CCDC141: variants seen among roughly 807,000 people sequenced by gnomAD.
The protein encoded by CCDC141 is coiled-coil domain-containing protein 141.
CCDC141 carries 168 observed loss-of-function variants against 181.0 expected under a neutral mutation model. The ratio of observed to expected loss-of-function variants is 0.93; its 90% CI spans 0.82 to 1.05. CCDC141 has a LOEUF of 1.05. Ranked by LOEUF, CCDC141 falls within the 50% of genes least tolerant of loss-of-function variation. The pLI, the probability that CCDC141 is intolerant of heterozygous loss-of-function variation, is 0.00. For synonymous variants in CCDC141, 666 were observed against 642.3 expected (o/e 1.04, Z -0.56); for missense variants, 1,902 against 1,788.5 (o/e 1.06, Z -1.14).
At chr2:178,827,271 G>T (rs1011808076), downstream of CCDC141, among the ~76,000 whole-genome samples, 1 of 152,026 alleles carries the variant, frequency 6.6e-6, no homozygotes, top group African/African-American at 2.4e-5. Context: ...CCAAGAATGT[G>T]GTCTATCTTG....
chr2:178,874,892 T>C (rs1474892608), intron 12 of CCDC141: 1 of 152,120 alleles, frequency 6.6e-6, no homozygotes, highest in Non-Finnish European at 1.5e-5. Context: ...GGCAGTGGAT[T>C]AAAAAACCTA....
At chr2:178,821,419 C>G in the CCDC141 span, among the ~76,000 whole-genome samples, 1 of 152,046 alleles carries the variant, frequency 6.6e-6, no homozygotes, top group Non-Finnish European at 1.5e-5. Flanking sequence ...TCATTTGGCC[C>G]CAAACACCAA....
At chr2:178,909,309 A>G (rs780719959) in intron 7 of CCDC141, among the ~76,000 whole-genome samples, 13 of 152,348 alleles carry the variant, frequency 8.5e-5, no homozygotes, top group South Asian at 2.1e-4. Context: ...ATGTGTAAGG[A>G]AAATATTTAC....
At chr2:178,890,123 G>T (rs1687075739) in intron 8 of CCDC141, among the ~76,000 whole-genome samples, 1 of 152,158 alleles carries the variant, frequency 6.6e-6, no homozygotes, top group Admixed American at 6.6e-5. Flanking sequence ...ATTGTGGAAA[G>T]AAGGTACAGA....
At chr2:178,869,394 A>T in intron 14 of CCDC141, 89 bp from the exon 15 acceptor site, 1 of 899,280 alleles carries the variant, frequency 1.1e-6, no homozygotes. Context: ...ACAATGAATC[A>T]CTCTTTCATT....
chr2:178,896,042 T>A (rs147162946), intron 8 of CCDC141, among the ~76,000 whole-genome samples: 32 of 152,318 alleles, frequency 2.1e-4, no homozygotes, highest in African/African-American at 6.7e-4. Context: ...GACATGATAC[T>A]GTCACAAATG....
intron 2 of CCDC141, among the ~76,000 whole-genome samples, chr2:179,036,053 T>C (rs1247533016): frequency 6.6e-6 from 1 of 152,222 alleles, no homozygotes; most frequent in Non-Finnish European, 1.5e-5. Context: ...TCATTTGGTG[T>C]TCCAGCAACA....
chr2:178,849,276 GGATCCACTTTGTA>G (rs1259760915), intron 21 of CCDC141, among the ~76,000 whole-genome samples: 5 of 152,172 alleles, frequency 3.3e-5, no homozygotes, highest in African/African-American at 1.2e-4. Flanking sequence ...GGCTACCCTG[GGATCCACTTTGTA>G]GATCAGGAAA....
chr2:178,921,938 C>T (rs1310569581), intron 6 of CCDC141, among the ~76,000 whole-genome samples: 1 of 152,100 alleles, frequency 6.6e-6, no homozygotes, highest in Non-Finnish European at 1.5e-5. Flanking sequence ...TGTAAAGATG[C>T]AGAATAAAGC....
chr2:179,015,286 C>CATATAGCTCATCTATATCAT (rs2042443492), intron 2 of CCDC141, among the ~76,000 whole-genome samples: 1 of 120,862 alleles, frequency 8.3e-6, no homozygotes, highest in Non-Finnish European at 1.7e-5. Context: ...ATCTATCTCT[C>CATATAGCTCATCTATATCAT]ATATATCTCA....
chr2:178,871,656 C>G, intron 13 of CCDC141, 104 bp from the exon 14 acceptor site: 1 of 1,283,576 alleles, frequency 7.8e-7, no homozygotes, highest in Non-Finnish European at 1.1e-6. Flanking sequence ...TTTCAAACCC[C>G]ATGAAAACAC....
At chr2:178,878,611 C>T (rs1686459588) in intron 11 of CCDC141, among the ~76,000 whole-genome samples, 1 of 151,426 alleles carries the variant, frequency 6.6e-6, no homozygotes, top group Non-Finnish European at 1.5e-5. Context: ...GAGCTGCCAA[C>T]CCCAGCCCAT....
intron 6 of CCDC141, among the ~76,000 whole-genome samples, chr2:178,938,079 G>A (rs547149705): frequency 6.6e-6 from 1 of 151,894 alleles, no homozygotes; most frequent in Non-Finnish European, 1.5e-5. Flanking sequence ...GCTCTGATTT[G>A]GGTTACTTCT....
intron 20 of CCDC141, among the ~76,000 whole-genome samples, chr2:178,852,302 A>T (rs1207430569): frequency 1.3e-5 from 2 of 152,202 alleles, no homozygotes; most frequent in Non-Finnish European, 2.9e-5. Flanking sequence ...TCCAGGCACA[A>T]ATACAGTGAA....
At chr2:178,848,739 A>G (rs183442698) in intron 21 of CCDC141, among the ~76,000 whole-genome samples, 2 of 152,282 alleles carry the variant, frequency 1.3e-5, no homozygotes, top group East Asian at 3.9e-4. Flanking sequence ...CGGCCTTCGT[A>G]TTGGAAGTCA....
At chr2:178,839,601 AAAAAAAT>A (rs1298175160) in intron 22 of CCDC141, among the ~76,000 whole-genome samples, 5 of 149,882 alleles carry the variant, frequency 3.3e-5, no homozygotes, top group African/African-American at 7.4e-5. Context: ...AAAAAAAAAA[AAAAAAAT>A]GTGTTTTCAG....
At chr2:178,866,842 C>T (rs1320194698) in intron 16 of CCDC141, among the ~76,000 whole-genome samples, 1 of 152,178 alleles carries the variant, frequency 6.6e-6, no homozygotes, top group Non-Finnish European at 1.5e-5. Context: ...TCTTCTGCCT[C>T]AGCCTCCCAA....
chr2:178,833,686 A>G lies in CCDC141; in HGVS notation c.*487T>C, dbSNP rs1242240243. On this transcript the variant is annotated 3_prime_UTR_variant, in exon 24 of 24. Transcript: ENST00000443758. ...AAATTACACAGAATGCATTTCGGTA[A>G]CAAGATCAAGACATGGAAAGCAAAA... is the stretch of plus-strand genomic sequence containing the variant. The G allele has an allele frequency of 6.4e-6, 1 of 155,508 alleles. No individual in the cohort carries two copies. The highest frequency in any genetic ancestry group is 1.4e-5 in the Non-Finnish European group (1 of 70,006). The allele number at this position is 155,508 out of a possible 1,614,324, so 9.6% of individuals were successfully genotyped here.
rs1686413000 is a variant in CCDC141 at position 178,877,784 on chromosome 2, G to A, written c.1899+180C>T. 4.5e-6 allele frequency: 3 copies of A among 667,592 alleles called. No individual in the cohort carries two copies. The East Asian group carries it at 8.3e-5, about 18-fold the overall frequency. The allele number at this position is 667,592 out of a possible 1,614,324, so 41.4% of individuals were successfully genotyped here. Reference sequence around the variant, plus strand: ...GCCTTCCTGTTATAAACTAACCAAAGTTCTAGGCCAAGCAAGCATTTAAAT... The same window carrying A: ...GCCTTCCTGTTATAAACTAACCAAAATTCTAGGCCAAGCAAGCATTTAAAT... On this transcript the variant is annotated intron_variant, in intron 12 of 23. Coordinates refer to ENST00000443758, the MANE Select transcript of CCDC141 (RefSeq NM_173648.4).
Sources: allele counts gnomAD v4.1 joint callset (sites outside exome capture counted in the v4.1 genomes callset), GRCh38; gene constraint gnomAD v4.1.1; transcripts MANE v1.5; gene names NCBI Gene and HGNC (gene_info 2026-07-23, HGNC 2026-07-21).